The following NXPE2 variants were observed in gnomAD, a reference collection of about 807,000 sequenced individuals.
NXPE2 encodes the protein NXPE family member 2.
A neutral mutation model predicts 34.4 loss-of-function variants in NXPE2; 34 were observed. That is an observed-to-expected ratio of 0.99 (90% confidence interval 0.75 to 1.31). The LOEUF (loss-of-function observed/expected upper bound fraction) is 1.31, where lower values mean the gene tolerates loss of function less well. Ranked by LOEUF, NXPE2 falls within the 40% of genes most tolerant of loss-of-function variation. The probability of loss-of-function intolerance (pLI) is 0.00; values close to 1 mark genes in which losing one functional copy is unlikely to be tolerated. For synonymous variants in NXPE2, 235 were observed against 231.3 expected, an observed-to-expected ratio of 1.02 and a Z score of -0.15; for missense variants, 649 against 672.5, an observed-to-expected ratio of 0.97 and a Z score of 0.39.
chr11:114,533,141 C>T, the NXPE2 span, among the ~76,000 whole-genome samples: 1 of 152,060 alleles, frequency 6.6e-6, no homozygotes, highest in African/African-American at 2.4e-5. Flanking sequence ...GGGGGAGAAA[C>T]AGACTTTTTT....
the NXPE2 span, chr11:114,522,910 C>T: frequency 2.0e-5 from 33 of 1,613,264 alleles, no homozygotes; most frequent in Non-Finnish European, 2.8e-5. Context: ...AGTAGATCCA[C>T]TGACGTAGTG....
the NXPE2 span, among the ~76,000 whole-genome samples, chr11:114,802,633 ATTTT>A: frequency 6.6e-6 from 1 of 151,860 alleles, no homozygotes; most frequent in African/African-American, 2.4e-5. Context: ...TTTAATAATT[ATTTT>A]TTTCTTTGTT....
At chr11:114,712,409 A>G in the NXPE2 span, among the ~76,000 whole-genome samples, 4 of 152,046 alleles carry the variant, frequency 2.6e-5, no homozygotes, top group African/African-American at 9.6e-5. Context: ...TAAGGTATTA[A>G]TATCCAGAAT....
the NXPE2 span, among the ~76,000 whole-genome samples, chr11:114,472,443 TGTGTTGGGTCCCATTCAAAGCCA>T: frequency 6.6e-6 from 1 of 152,146 alleles, no homozygotes; most frequent in Non-Finnish European, 1.5e-5. Context: ...TTTACAAATT[TGTGTTGGGTCCCATTCAAAGCCA>T]TCCTGGGTCA....
At chr11:114,696,340 C>CAAAAAAAAAAA (rs773266644) in intron 2 of NXPE2, among the ~76,000 whole-genome samples, 36 of 64,468 alleles carry the variant, frequency 5.6e-4, no homozygotes, top group African/African-American at 7.1e-4. Context: ...TCAAAAAAAC[C>CAAAAAAAAAAA]AAAAAAAAAA....
At chr11:114,652,305 C>T in the NXPE2 span, among the ~76,000 whole-genome samples, 55 of 152,178 alleles carry the variant, frequency 3.6e-4, no homozygotes, top group African/African-American at 1.3e-3. Context: ...GCATCCTGTT[C>T]CTTCCTACCC....
chr11:114,766,746 C>G, the NXPE2 span, among the ~76,000 whole-genome samples: 1 of 151,994 alleles, frequency 6.6e-6, no homozygotes. Context: ...CTCACTGTGA[C>G]TAGAGTCAGT....
chr11:114,774,565 A>G, the NXPE2 span, among the ~76,000 whole-genome samples: 5 of 152,288 alleles, frequency 3.3e-5, no homozygotes, highest in African/African-American at 9.6e-5. Flanking sequence ...TACATTCTCC[A>G]TGGCTTCATT....
the NXPE2 span, among the ~76,000 whole-genome samples, chr11:114,643,184 A>C: frequency 6.6e-6 from 1 of 151,960 alleles, no homozygotes; most frequent in East Asian, 1.9e-4. Flanking sequence ...AGATTGCAAA[A>C]ATTTTCTCCC....
chr11:114,764,465 C>A, the NXPE2 span, among the ~76,000 whole-genome samples: 1 of 151,042 alleles, frequency 6.6e-6, no homozygotes, highest in Non-Finnish European at 1.5e-5. Flanking sequence ...TCTGTGTGTG[C>A]GCCTCTACAT....
chr11:114,492,532 T>C, the NXPE2 span, among the ~76,000 whole-genome samples: 4 of 148,466 alleles, frequency 2.7e-5, no homozygotes, highest in East Asian at 8.0e-4. Flanking sequence ...AAGTCCAATG[T>C]TTCTTTTTCT....
At chr11:114,765,867 C>A in the NXPE2 span, among the ~76,000 whole-genome samples, 44 of 152,268 alleles carry the variant, frequency 2.9e-4, no homozygotes, top group African/African-American at 1.1e-3. Context: ...CTTCTGAGAG[C>A]TGACTGTCAC....
the NXPE2 span, among the ~76,000 whole-genome samples, chr11:114,748,812 T>C: frequency 6.6e-6 from 1 of 152,336 alleles, no homozygotes. Context: ...GGAAGTTACT[T>C]TGGAACTACA....
the NXPE2 span, among the ~76,000 whole-genome samples, chr11:114,594,029 G>T: frequency 6.6e-6 from 1 of 152,084 alleles, no homozygotes; most frequent in East Asian, 1.9e-4. Flanking sequence ...GGCTGGGAAG[G>T]GTGGTGGGGG....
At chr11:114,493,066 G>A in the NXPE2 span, among the ~76,000 whole-genome samples, 2 of 151,866 alleles carry the variant, frequency 1.3e-5, no homozygotes, top group Non-Finnish European at 2.9e-5. Flanking sequence ...GCCCTTCTTT[G>A]TCTCTTTTTA....
the NXPE2 span, among the ~76,000 whole-genome samples, chr11:114,643,538 G>A: frequency 6.6e-6 from 1 of 151,944 alleles, no homozygotes; most frequent in South Asian, 2.1e-4. Flanking sequence ...GCTTGTTTTT[G>A]TCAGGTTTGT....
the NXPE2 span, among the ~76,000 whole-genome samples, chr11:114,766,534 C>T: frequency 1.3e-5 from 2 of 152,108 alleles, no homozygotes; most frequent in African/African-American, 4.8e-5. Flanking sequence ...TTTATTCCCA[C>T]ACTTTCCCTT....
At chr11:114,548,331 T>C in the NXPE2 span, among the ~76,000 whole-genome samples, 1 of 152,082 alleles carries the variant, frequency 6.6e-6, no homozygotes, top group African/African-American at 2.4e-5. Context: ...ATCGTGTAGA[T>C]ATATACTGAA....
chr11:114,629,090 G>C, the NXPE2 span, among the ~76,000 whole-genome samples: 20 of 152,116 alleles, frequency 1.3e-4, no homozygotes, highest in Non-Finnish European at 2.6e-4. Flanking sequence ...TTCTACCAGA[G>C]GTACAAGGAG....
Sources: allele counts gnomAD v4.1 joint callset (sites outside exome capture counted in the v4.1 genomes callset), GRCh38; gene constraint gnomAD v4.1.1; transcripts MANE v1.5; gene names NCBI Gene and HGNC (gene_info 2026-07-23, HGNC 2026-07-21).